ELP4: variants seen among roughly 807,000 people sequenced by gnomAD.
ELP4 encodes the protein elongator complex protein 4.
A neutral mutation model predicts 48.9 loss-of-function variants in ELP4; 51 were observed. That is an observed-to-expected ratio of 1.04 (90% CI 0.83 to 1.32). ELP4 has a LOEUF of 1.32. ELP4 is among the 40% of genes most tolerant of loss of function. The pLI, the probability that ELP4 is intolerant of heterozygous loss-of-function variation, is 0.00. For synonymous variants in ELP4, 210 were observed against 189.2 expected, an observed-to-expected ratio of 1.11 and a Z score of -0.90; for missense variants, 519 against 514.6, an observed-to-expected ratio of 1.01 and a Z score of -0.08.
At chr11:31,701,894 T>C (rs1946530447) in intron 9 of ELP4, among the ~76,000 whole-genome samples, 1 of 152,054 alleles carries the variant, frequency 6.6e-6, no homozygotes, top group South Asian at 2.1e-4. Flanking sequence ...TATACCTTTA[T>C]TTCTCAGCAT....
At chr11:31,577,338 C>A (rs1216846289) in intron 3 of ELP4, among the ~76,000 whole-genome samples, 2 of 152,102 alleles carry the variant, frequency 1.3e-5, no homozygotes, top group African/African-American at 2.4e-5. Context: ...GGATTAACAG[C>A]CAAATTCTAC....
At position 31,720,769 on chromosome 11, in the gene ELP4, C is replaced by T. The variant is rs529250792; in HGVS notation, c.1144-62624C>T. 8.5e-5 allele frequency among the ~76,000 whole-genome samples: 13 copies of T among 152,260 alleles called. No individual in the cohort carries two copies. In the South Asian group the frequency reaches 2.7e-3, roughly 32 times the overall value. On this transcript the variant is annotated intron_variant, in intron 9 of 9. Coordinates refer to ENST00000640961, the MANE Select transcript of ELP4 (RefSeq NM_019040.5). ...CCTTGCTCTCAAGAAACATGAACAG[C>T]ATAGCTAGGAAGAAAAGTTGGAGAG...
chr11:31,751,411 G>A (rs1947718075), intron 9 of ELP4, among the ~76,000 whole-genome samples: 1 of 152,128 alleles, frequency 6.6e-6, no homozygotes, highest in Non-Finnish European at 1.5e-5. Flanking sequence ...AAAAATGTGG[G>A]AGAGGAAGAA....
rs149191321 is a variant in ELP4 at position 31,660,534 on chromosome 11, A to G, written c.1143+10313A>G. Among the ~76,000 whole-genome samples the G allele has an allele frequency of 2.0e-3, 300 of 152,306 alleles. 8 individuals carry two copies. The East Asian group carries it at 0.044, about 22-fold the overall frequency. On this transcript the variant is annotated intron_variant, in intron 9 of 9. Coordinates refer to ENST00000640961, the MANE Select transcript of ELP4 (RefSeq NM_019040.5). ...AACAAAATGCTAAAATGTTGACCAAAACCAAATGCAATAGGACTATATACT... is the reference window on the plus strand; with the variant it reads ...AACAAAATGCTAAAATGTTGACCAAGACCAAATGCAATAGGACTATATACT...
At chr11:31,622,302 T>G (rs767594474) in intron 5 of ELP4, among the ~76,000 whole-genome samples, 4 of 151,786 alleles carry the variant, frequency 2.6e-5, no homozygotes, top group South Asian at 2.1e-4. Context: ...GGTGGCAGTG[T>G]TGTATATTGT....
At chr11:31,574,071 C>T (rs1957228638) in intron 3 of ELP4, among the ~76,000 whole-genome samples, 1 of 152,160 alleles carries the variant, frequency 6.6e-6, no homozygotes, top group African/African-American at 2.4e-5. Context: ...GAGGAGAGCT[C>T]ATCTAAATAA....
intron 9 of ELP4, among the ~76,000 whole-genome samples, chr11:31,674,031 G>A (rs1476476234): frequency 6.6e-6 from 1 of 152,188 alleles, no homozygotes; most frequent in African/African-American, 2.4e-5. Context: ...TTGGTCCACA[G>A]GAAATGTAGT....
chr11:31,538,188 G>T (rs550101188), intron 2 of ELP4, among the ~76,000 whole-genome samples: 1 of 150,432 alleles, frequency 6.6e-6, no homozygotes, highest in African/African-American at 2.4e-5. Flanking sequence ...AGTATAATTA[G>T]TATAGTATTA....
At chr11:31,640,622 A>ACT in intron 7 of ELP4, among the ~76,000 whole-genome samples, 3 of 151,988 alleles carry the variant, frequency 2.0e-5, no homozygotes, top group Non-Finnish European at 4.4e-5. Flanking sequence ...GAGAGATTAA[A>ACT]TTAGGCTTGT....
At position 31,783,643 on chromosome 11, in the gene ELP4, T is replaced by C. The variant is rs1472567311; in HGVS notation, c.*119T>C. 5 of 916,260 alleles carry C rather than the reference T, an allele frequency of 5.5e-6. No homozygotes were observed. In the Admixed American group the frequency reaches 1.7e-4, roughly 30 times the overall value. The allele number at this position is 916,260 out of a possible 1,614,324, so 56.8% of individuals were successfully genotyped here. ...CTCCACTCCTTGAAAAACACAGGAT[T>C]ATAAAATGGTGCCGCCATTTCTCAT... is the stretch of plus-strand genomic sequence containing the variant. On this transcript the variant is annotated 3_prime_UTR_variant, in exon 10 of 10. Coordinates refer to ENST00000640961, the MANE Select transcript of ELP4 (RefSeq NM_019040.5).
Position 31,784,467 on chromosome 11 carries a change from A to G in ELP4, c.*943A>G, listed in dbSNP as rs1039857075. On this transcript the variant is annotated 3_prime_UTR_variant, in exon 10 of 10. Coordinates refer to ENST00000640961, the MANE Select transcript of ELP4 (RefSeq NM_019040.5). ...TGAAACATTAGGTGTTTTAATTACA[A>G]TTCTATATTCTCAAAGCTTTTGACA... 2.0e-5 allele frequency: 3 copies of G among 152,108 alleles called. No individual in the cohort carries two copies. Among genetic ancestry groups the G allele is most frequent in the Non-Finnish European group, 4.4e-5 (3 of 67,960 alleles). 9.4% of individuals were successfully genotyped at this position (152,108 alleles called of 1,614,324 possible). A position where few individuals can be genotyped will look rare whatever the true frequency, so the allele number is the denominator to read the frequency against.
intron 9 of ELP4, among the ~76,000 whole-genome samples, chr11:31,763,086 T>C (rs1179949488): frequency 7.4e-6 from 1 of 135,644 alleles, no homozygotes; most frequent in African/African-American, 3.1e-5. Context: ...CAATTCTGTA[T>C]AATGAGCAAA....
chr11:31,594,325 C>G (rs746806461), intron 3 of ELP4, among the ~76,000 whole-genome samples: 1 of 152,048 alleles, frequency 6.6e-6, no homozygotes, highest in South Asian at 2.1e-4. Context: ...TTACTTCACT[C>G]GTTATTTTAG....
intron 9 of ELP4, among the ~76,000 whole-genome samples, chr11:31,658,150 C>T (rs894069552): frequency 2.0e-5 from 3 of 151,932 alleles, no homozygotes; most frequent in Admixed American, 6.6e-5. Context: ...GTCTTCATTA[C>T]ATAAGCCAGA....
chr11:31,742,842 G>A (rs1178783331), intron 9 of ELP4, among the ~76,000 whole-genome samples: 1 of 152,082 alleles, frequency 6.6e-6, no homozygotes, highest in Admixed American at 6.6e-5. Flanking sequence ...ACTGCATCAA[G>A]TATCAAGCAA....
intron 9 of ELP4, among the ~76,000 whole-genome samples, chr11:31,707,591 A>C (rs1278560257): frequency 6.6e-6 from 1 of 152,286 alleles, no homozygotes; most frequent in Non-Finnish European, 1.5e-5. Flanking sequence ...GTGATATGTG[A>C]CTAATTTTAT....
At chr11:31,575,007 A>G (rs1326642097) in intron 3 of ELP4, among the ~76,000 whole-genome samples, 1 of 152,220 alleles carries the variant, frequency 6.6e-6, no homozygotes, top group African/African-American at 2.4e-5. Context: ...AAAGAAGGAT[A>G]TTCGAACCCA....
chr11:31,624,535 G>T (rs908579445), intron 5 of ELP4, among the ~76,000 whole-genome samples: 1 of 151,530 alleles, frequency 6.6e-6, no homozygotes, highest in Non-Finnish European at 1.5e-5. Flanking sequence ...GGTGGTAAGT[G>T]AATGTGAAAG....
intron 3 of ELP4, among the ~76,000 whole-genome samples, chr11:31,553,735 C>A (rs1432749785): frequency 1.3e-5 from 2 of 149,894 alleles, no homozygotes; most frequent in Non-Finnish European, 3.0e-5. Context: ...AACACACACA[C>A]ACACACACAC....
Sources: gnomAD v4.1 joint callset for allele counts (sites outside exome capture counted in the v4.1 genomes callset) on GRCh38, gnomAD v4.1.1 for gene constraint, MANE v1.5 for transcripts, NCBI Gene and HGNC (gene_info 2026-07-23, HGNC 2026-07-21) for gene names.